Variants in ATG7 observed in about 807,000 individuals in gnomAD.
The protein encoded by ATG7 is ubiquitin-like modifier-activating enzyme ATG7.
A neutral mutation model predicts 82.4 loss-of-function variants in ATG7; 70 were observed. That is an observed-to-expected ratio of 0.85 (90% CI 0.70 to 1.04). The LOEUF (loss-of-function observed/expected upper bound fraction) is 1.04. Ranked by LOEUF, ATG7 falls within the 50% of genes least tolerant of loss-of-function variation. The pLI is 0.00. For missense variants in ATG7, 792 were observed against 864.3 expected (o/e 0.92, Z 1.05); for synonymous variants, 287 against 313.0 (o/e 0.92, Z 0.88).
chr3:11,307,335 T>A (rs1479658325), intron 6 of ATG7, among the ~76,000 whole-genome samples: 1 of 152,202 alleles, frequency 6.6e-6, no homozygotes, highest in Non-Finnish European at 1.5e-5. Flanking sequence ...TTGCTGCTCA[T>A]CTCCAGCCAG....
chr3:11,463,503 T>C lies in ATG7; in HGVS notation c.2079+36577T>C, dbSNP rs76128708. Among the ~76,000 whole-genome samples, 1,288 of 152,338 alleles carry C rather than the reference T, an allele frequency of 8.5e-3. 131 individuals carry two copies. In the East Asian group the frequency reaches 0.21, roughly 25 times the overall value. The stretch of plus-strand genomic sequence containing the variant: ...TCTTATGGCCTCCCATCCCAATTCA[T>C]GTCAGCCCTTCCCGCATTTAGACTT... On this transcript the variant is annotated intron_variant, in intron 20 of 20. Coordinates refer to ENST00000693202, the MANE Select transcript of ATG7 (RefSeq NM_001349232.2).
chr3:11,397,061 T>C (rs2079361365), intron 19 of ATG7, among the ~76,000 whole-genome samples: 1 of 152,168 alleles, frequency 6.6e-6, no homozygotes, highest in African/African-American at 2.4e-5. Context: ...CAAGAAGTCA[T>C]GGTAAACTGA....
Position 11,372,710 on chromosome 3 carries a change from A to C in ATG7, c.1876-7262A>C, listed in dbSNP as rs555161444. 1.3e-4 allele frequency among the ~76,000 whole-genome samples: 19 copies of C among 151,312 alleles called. 1 individual carries two copies. The South Asian group carries it at 3.8e-3, about 30-fold the overall frequency. On this transcript the variant is annotated intron_variant, in intron 18 of 20. Coordinates refer to ENST00000693202, the MANE Select transcript of ATG7 (RefSeq NM_001349232.2). ...TACTGTACTAAGGGAAAAAAAATGTAATGGAAATCTTAAAATGTTCAGAGG... is the reference window on the plus strand; with the variant it reads ...TACTGTACTAAGGGAAAAAAAATGTCATGGAAATCTTAAAATGTTCAGAGG...
At chr3:11,337,176 C>T (rs962765647) in intron 11 of ATG7, among the ~76,000 whole-genome samples, 6 of 152,066 alleles carry the variant, frequency 3.9e-5, no homozygotes, top group Admixed American at 1.3e-4. Flanking sequence ...TTTTCTTGGC[C>T]AGGTGTGGTT....
At chr3:11,340,589 C>G (rs1200507766) in intron 11 of ATG7, 56 bp from the exon 12 acceptor site, 14 of 1,485,058 alleles carry the variant, frequency 9.4e-6, no homozygotes, top group Non-Finnish European at 1.3e-5. Flanking sequence ...GTTGCTTGAT[C>G]TGCTTGTTTT....
chr3:11,359,190 G>C (rs2076127313), intron 15 of ATG7, among the ~76,000 whole-genome samples: 1 of 151,432 alleles, frequency 6.6e-6, no homozygotes, highest in Non-Finnish European at 1.5e-5. Flanking sequence ...AAGGGAGAAA[G>C]AGAGGGAGAG....
chr3:11,438,762 A>T (rs2083594226), intron 20 of ATG7, among the ~76,000 whole-genome samples: 1 of 152,036 alleles, frequency 6.6e-6, no homozygotes, highest in Non-Finnish European at 1.5e-5. Context: ...CTAATATGTG[A>T]GAGAGAAAGT....
intron 20 of ATG7, among the ~76,000 whole-genome samples, chr3:11,521,793 C>T (rs888599156): frequency 6.6e-6 from 1 of 151,860 alleles, no homozygotes; most frequent in African/African-American, 2.4e-5. Context: ...ACCTTGTGAT[C>T]CGCCTGCCTC....
At chr3:11,550,894 T>TTAC (rs1354522999) in intron 20 of ATG7, among the ~76,000 whole-genome samples, 1 of 152,034 alleles carries the variant, frequency 6.6e-6, no homozygotes, top group African/African-American at 2.4e-5. Flanking sequence ...TATAATGAGC[T>TTAC]TACCCGTGTT....
chr3:11,539,918 C>T (rs1038062245), intron 20 of ATG7, among the ~76,000 whole-genome samples: 7 of 152,196 alleles, frequency 4.6e-5, no homozygotes, highest in African/African-American at 1.7e-4. Flanking sequence ...GCCTTTCTGT[C>T]GCTGAGTAGC....
chr3:11,403,450 C>A (rs1340812484), intron 19 of ATG7, among the ~76,000 whole-genome samples: 1 of 151,814 alleles, frequency 6.6e-6, no homozygotes, highest in African/African-American at 2.4e-5. Context: ...CAGAGAAAAT[C>A]TGGAGGGATA....
chr3:11,394,660 G>C (rs1003906795), intron 19 of ATG7, among the ~76,000 whole-genome samples: 10 of 152,316 alleles, frequency 6.6e-5, no homozygotes, highest in African/African-American at 2.4e-4. Context: ...ACACCTAGGA[G>C]TAAGGGTGAA....
chr3:11,484,117 G>A (rs530857877), intron 20 of ATG7, among the ~76,000 whole-genome samples: 156 of 152,282 alleles, frequency 1.0e-3, no homozygotes, highest in Non-Finnish European at 1.8e-3. Context: ...CTTCAGGCTG[G>A]GCACAGTGGC....
chr3:11,519,381 C>G (rs908984799), intron 20 of ATG7, among the ~76,000 whole-genome samples: 4 of 151,920 alleles, frequency 2.6e-5, no homozygotes, highest in Non-Finnish European at 4.4e-5. Flanking sequence ...GATGGTGAAT[C>G]TTACTCAGAT....
rs758912787 is a variant in ATG7, at chr3:11,306,914, C to G, written c.216-29C>G. The G allele has an allele frequency of 5.0e-6, 8 of 1,588,848 alleles. No individual in the cohort carries two copies. In the South Asian group the frequency reaches 7.7e-5, roughly 15 times the overall value. On this transcript the variant is annotated intron_variant, in intron 5 of 20. Transcript: ENST00000693202. ...CTCCCTGGCTGAGTCCCAGCTGTGC[C>G]TGACTAACCGTGTTTCTCTTGTATC... is the stretch of plus-strand genomic sequence containing the variant.
intron 18 of ATG7, among the ~76,000 whole-genome samples, chr3:11,377,379 T>G (rs1044695818): frequency 3.9e-5 from 6 of 152,182 alleles, no homozygotes; most frequent in Middle Eastern, 3.2e-3. Context: ...CGGTGGTGTG[T>G]GGACCCTCAT....
chr3:11,441,522 G>C (rs375088586), intron 20 of ATG7, among the ~76,000 whole-genome samples: 1 of 152,010 alleles, frequency 6.6e-6, no homozygotes, highest in African/African-American at 2.4e-5. Flanking sequence ...GATTACAGGC[G>C]TGAGTCACCG....
chr3:11,457,762 ATAAAT>A (rs2085884797), intron 20 of ATG7, among the ~76,000 whole-genome samples: 1 of 152,180 alleles, frequency 6.6e-6, no homozygotes, highest in Admixed American at 6.5e-5. Flanking sequence ...CAGTTAATAA[ATAAAT>A]TAATACATTG....
chr3:11,357,171 T>C (rs2075990014), intron 14 of ATG7, among the ~76,000 whole-genome samples: 1 of 152,206 alleles, frequency 6.6e-6, no homozygotes, highest in South Asian at 2.1e-4. Context: ...CACTTCCCTA[T>C]GGCCAGTGAT....
Sources: gnomAD v4.1 joint callset for allele counts (sites outside exome capture counted in the v4.1 genomes callset) on GRCh38, gnomAD v4.1.1 for gene constraint, MANE v1.5 for transcripts, NCBI Gene and HGNC (gene_info 2026-07-23, HGNC 2026-07-21) for gene names.